Variants in PDZRN4 observed in about 807,000 individuals in gnomAD.
The protein encoded by PDZRN4 is PDZ domain-containing RING finger protein 4.
Under a neutral mutation model 99.0 loss-of-function variants are expected in PDZRN4, and 70 were observed. That is an observed-to-expected ratio of 0.71 (90% CI 0.58 to 0.86). The LOEUF (loss-of-function observed/expected upper bound fraction) is 0.86. Among genes scored for constraint, PDZRN4 ranks in the 40% least tolerant of loss-of-function variants. The pLI is 0.00. For synonymous variants in PDZRN4, 551 were observed against 501.6 expected (o/e 1.10, Z -1.32); for missense variants, 1,474 against 1,331.2 (o/e 1.11, Z -1.67).
intron 3 of PDZRN4, among the ~76,000 whole-genome samples, chr12:41,371,925 T>G (rs911052782): frequency 5.3e-5 from 8 of 152,090 alleles, no homozygotes; most frequent in Non-Finnish European, 7.4e-5. Flanking sequence ...CAAATCTGGC[T>G]TCAGTACACT....
rs139413673 is a variant in PDZRN4 at position 41,528,347 on chromosome 12, G to A, written c.1203+18434G>A. ...ATGAAAGTCTCAGAGGACCCTCCAG[G>A]GCTTATGTGAAGTCTCCACAGTGCA... On this transcript the variant is annotated intron_variant, in intron 5 of 9. Transcript: ENST00000402685. 5.9e-3 allele frequency among the ~76,000 whole-genome samples: 897 copies of A among 152,118 alleles called. 8 individuals carry two copies. The highest frequency in any genetic ancestry group is 0.02 in the African/African-American group (840 of 41,490).
intron 3 of PDZRN4, among the ~76,000 whole-genome samples, chr12:41,451,718 T>C (rs1312738782): frequency 2.6e-5 from 4 of 152,208 alleles, no homozygotes; most frequent in African/African-American, 9.6e-5. Context: ...GGCTGAGTAA[T>C]GGACACCTTA....
intron 3 of PDZRN4, among the ~76,000 whole-genome samples, chr12:41,283,204 T>C (rs2120890444): frequency 6.6e-6 from 1 of 152,004 alleles, no homozygotes; most frequent in East Asian, 1.9e-4. Flanking sequence ...CCCACAGAAA[T>C]ACAAACTACC....
chr12:41,290,569 A>G (rs1403319329), intron 3 of PDZRN4, among the ~76,000 whole-genome samples: 1 of 152,140 alleles, frequency 6.6e-6, no homozygotes, highest in African/African-American at 2.4e-5. Flanking sequence ...ACATTCTGAT[A>G]TATATATACA....
chr12:41,330,752 AC>A (rs1441123764), intron 3 of PDZRN4, among the ~76,000 whole-genome samples: 1 of 152,094 alleles, frequency 6.6e-6, no homozygotes, highest in Non-Finnish European at 1.5e-5. Flanking sequence ...AGAATAAGTT[AC>A]TTTTTTAAGT....
At chr12:41,492,224 AGAT>A (rs1047337146) in intron 3 of PDZRN4, among the ~76,000 whole-genome samples, 3 of 152,140 alleles carry the variant, frequency 2.0e-5, no homozygotes, top group Non-Finnish European at 2.9e-5. Flanking sequence ...TTATCATCTA[AGAT>A]TAACTTATTA....
chr12:41,324,757 C>G (rs965246074), intron 3 of PDZRN4, among the ~76,000 whole-genome samples: 10 of 151,974 alleles, frequency 6.6e-5, no homozygotes, highest in Admixed American at 4.6e-4. Context: ...TAAAACATGA[C>G]AAGTGTGAAT....
At chr12:41,339,467 C>T (rs1374947855) in intron 3 of PDZRN4, among the ~76,000 whole-genome samples, 3 of 151,966 alleles carry the variant, frequency 2.0e-5, no homozygotes, top group African/African-American at 4.8e-5. Context: ...ACTAATGAAA[C>T]GACTACAAGA....
At chr12:41,447,049 A>G (rs995732355) in intron 3 of PDZRN4, among the ~76,000 whole-genome samples, 1 of 152,066 alleles carries the variant, frequency 6.6e-6, no homozygotes, top group Non-Finnish European at 1.5e-5. Context: ...ATCTCCACAC[A>G]AAAGTGAAGG....
chr12:41,528,610 G>A (rs1160327583), intron 5 of PDZRN4, among the ~76,000 whole-genome samples: 1 of 152,076 alleles, frequency 6.6e-6, no homozygotes, highest in Non-Finnish European at 1.5e-5. Flanking sequence ...CTCTAATTAC[G>A]GCAGACTCAC....
intron 5 of PDZRN4, among the ~76,000 whole-genome samples, chr12:41,531,531 A>C (rs1199583988): frequency 1.3e-5 from 2 of 152,124 alleles, no homozygotes; most frequent in Non-Finnish European, 2.9e-5. Context: ...TAGGCCCAGG[A>C]TGGGGCCATG....
intron 5 of PDZRN4, among the ~76,000 whole-genome samples, chr12:41,534,992 G>A (rs1437959496): frequency 6.6e-6 from 1 of 151,056 alleles, no homozygotes; most frequent in Non-Finnish European, 1.5e-5. Context: ...TTCCAGTTGA[G>A]TAATTTCCCT....
At chr12:41,212,827 C>G (rs1950896861) in intron 3 of PDZRN4, among the ~76,000 whole-genome samples, 2 of 151,988 alleles carry the variant, frequency 1.3e-5, no homozygotes, top group South Asian at 4.2e-4. Flanking sequence ...TAAGTGTTAG[C>G]TAGGCAAGGA....
chr12:41,553,123 C>G (rs767008009), intron 6 of PDZRN4, among the ~76,000 whole-genome samples: 11 of 152,170 alleles, frequency 7.2e-5, no homozygotes, highest in Non-Finnish European at 1.3e-4. Context: ...AACAGTAGCA[C>G]TGGCTAATTG....
Position 41,351,845 on chromosome 12 carries a change from A to T in PDZRN4, c.844-154611A>T, listed in dbSNP as rs545846411. ...GTATTGAAGTAGGAGAAGTATTTTT[A>T]AAAATCTCAGGAGAATAAACTGGGC... On this transcript the variant is annotated intron_variant, in intron 3 of 9. Coordinates refer to ENST00000402685, the MANE Select transcript of PDZRN4 (RefSeq NM_001164595.2). Among the ~76,000 whole-genome samples the T allele has an allele frequency of 3.3e-5, 5 of 152,104 alleles. No individual in the cohort carries two copies. In the East Asian group the frequency reaches 9.7e-4, roughly 30 times the overall value.
intron 5 of PDZRN4, among the ~76,000 whole-genome samples, chr12:41,539,686 A>ATTC (rs1384678653): frequency 6.6e-6 from 1 of 152,148 alleles, no homozygotes; most frequent in South Asian, 2.1e-4. Context: ...TCTATTTTCT[A>ATTC]TTCTTCTTCT....
chr12:41,392,285 C>T (rs1952215540), intron 3 of PDZRN4, among the ~76,000 whole-genome samples: 1 of 152,034 alleles, frequency 6.6e-6, no homozygotes, highest in Admixed American at 6.6e-5. Context: ...AGAACTTATT[C>T]ACTGGGACTC....
intron 3 of PDZRN4, among the ~76,000 whole-genome samples, chr12:41,445,198 A>G (rs569451996): frequency 1.3e-4 from 20 of 152,096 alleles, no homozygotes; most frequent in Non-Finnish European, 1.9e-4. Flanking sequence ...AATCTTAGCT[A>G]GAAAATATGC....
At chr12:41,271,796 T>C (rs904252246) in intron 3 of PDZRN4, among the ~76,000 whole-genome samples, 5 of 152,216 alleles carry the variant, frequency 3.3e-5, no homozygotes, top group Middle Eastern at 3.4e-3. Context: ...AAGCAAAAGC[T>C]TCCCTTCATT....
Sources: allele counts gnomAD v4.1 joint callset (sites outside exome capture counted in the v4.1 genomes callset), GRCh38; gene constraint gnomAD v4.1.1; transcripts MANE v1.5; gene names NCBI Gene and HGNC (gene_info 2026-07-23, HGNC 2026-07-21).